The following RHBDL3 variants were observed in gnomAD, a reference collection of about 807,000 sequenced individuals.
RHBDL3 encodes the protein rhomboid like 3, also known as rhomboid-related protein 3.
A neutral mutation model predicts 48.2 loss-of-function variants in RHBDL3; 28 were observed. That is an observed-to-expected ratio of 0.58 (90% CI 0.43 to 0.80). The LOEUF is 0.80. RHBDL3 is among the 30% of genes least tolerant of loss of function. RHBDL3 has a pLI of 0.00. For missense variants in RHBDL3, 464 were observed against 542.7 expected, an observed-to-expected ratio of 0.85 and a Z score of 1.44; for synonymous variants, 208 against 232.3, an observed-to-expected ratio of 0.90 and a Z score of 0.95.
At chr17:32,272,447 T>A (rs1226885713) in intron 2 of RHBDL3, among the ~76,000 whole-genome samples, 1 of 152,170 alleles carries the variant, frequency 6.6e-6, no homozygotes, top group Non-Finnish European at 1.5e-5. Context: ...CAGAGAAAAC[T>A]CCTGCCCCAG....
At chr17:32,290,174 G>A (rs113980854) in intron 4 of RHBDL3, among the ~76,000 whole-genome samples, 2,495 of 152,312 alleles carry the variant, frequency 0.016, 64 homozygotes, top group African/African-American at 0.057. Flanking sequence ...GCTACCAGGG[G>A]CCTAAGCCAT....
At chr17:32,287,470 G>A (rs923523373) in intron 3 of RHBDL3, among the ~76,000 whole-genome samples, 1 of 152,190 alleles carries the variant, frequency 6.6e-6, no homozygotes, top group Non-Finnish European at 1.5e-5. Context: ...GTTGGAAAAG[G>A]TTCATCTGGG....
chr17:32,298,003 G>A, intron 5 of RHBDL3, 89 bp from the exon 6 acceptor site: 1 of 935,796 alleles, frequency 1.1e-6, no homozygotes, highest in Non-Finnish European at 1.7e-6. Context: ...TGGATCCCTG[G>A]CATCTTGGGG....
chr17:32,315,159 GT>G (rs1302969212), intron 7 of RHBDL3, among the ~76,000 whole-genome samples: 1 of 152,238 alleles, frequency 6.6e-6, no homozygotes, highest in African/African-American at 2.4e-5. Context: ...TTACACGGAT[GT>G]TCCTGCAACC....
intron 4 of RHBDL3, 54 bp from the exon 5 acceptor site, chr17:32,294,240 G>T: frequency 6.5e-7 from 1 of 1,542,496 alleles, no homozygotes; most frequent in East Asian, 2.3e-5. Context: ...CAGCACAACA[G>T]GAAGTTTCCT....
Position 32,270,524 on chromosome 17 carries a change from A to G in RHBDL3, c.135+2599A>G, listed in dbSNP as rs1161949559. Among the ~76,000 whole-genome samples, 15 of 152,224 alleles carry G rather than the reference A, an allele frequency of 9.9e-5. No homozygotes were observed. In the East Asian group the frequency reaches 2.9e-3, roughly 29 times the overall value. ...GGTCCTATATGGTCACCGTCGAACT[A>G]AATGGCCAGGATACCTTTTGTGGGG... On this transcript the variant is annotated intron_variant, in intron 2 of 8. Transcript: ENST00000269051.
intron 4 of RHBDL3, 37 bp from the exon 5 acceptor site, chr17:32,294,257 T>G: frequency 1.9e-6 from 3 of 1,598,826 alleles, no homozygotes; most frequent in Non-Finnish European, 2.6e-6. Flanking sequence ...TCCTGGGCAG[T>G]GTGCACCTAG....
At chr17:32,319,315 G>C (rs2041052289) in intron 8 of RHBDL3, among the ~76,000 whole-genome samples, 2 of 151,556 alleles carry the variant, frequency 1.3e-5, no homozygotes, top group African/African-American at 4.9e-5. Flanking sequence ...CCAGCTACTG[G>C]GGAGGCTGAG....
intron 2 of RHBDL3, among the ~76,000 whole-genome samples, chr17:32,278,004 C>G (rs2039954378): frequency 6.6e-6 from 1 of 152,120 alleles, no homozygotes; most frequent in Admixed American, 6.5e-5. Context: ...CATTGGGAAA[C>G]CCTTAAAAAT....
intron 8 of RHBDL3, among the ~76,000 whole-genome samples, chr17:32,316,865 ATTTATTTTAT>A (rs1182877285): frequency 2.8e-5 from 4 of 144,508 alleles, no homozygotes; most frequent in African/African-American, 8.2e-5. Flanking sequence ...ATTTTATTTT[ATTTATTTTAT>A]TTTATTTTAT....
At chr17:32,283,925 T>G (rs2040131028) in intron 2 of RHBDL3, among the ~76,000 whole-genome samples, 1 of 152,116 alleles carries the variant, frequency 6.6e-6, no homozygotes, top group Non-Finnish European at 1.5e-5. Flanking sequence ...AGGGCATATC[T>G]GAGTAGTCAG....
intron 8 of RHBDL3, among the ~76,000 whole-genome samples, chr17:32,318,245 T>C (rs1277672000): frequency 6.6e-6 from 1 of 150,760 alleles, no homozygotes; most frequent in East Asian, 2.0e-4. Context: ...CCTATAGTCC[T>C]AGCCCAGGAG....
chr17:32,305,732 C>T (rs929846089), intron 7 of RHBDL3, among the ~76,000 whole-genome samples: 5 of 152,258 alleles, frequency 3.3e-5, no homozygotes, highest in East Asian at 3.9e-4. Flanking sequence ...TCCTGGCTAA[C>T]GCGGTGAAAC....
chr17:32,300,227 G>A (rs542004932), intron 6 of RHBDL3, among the ~76,000 whole-genome samples: 1 of 152,168 alleles, frequency 6.6e-6, no homozygotes, highest in Non-Finnish European at 1.5e-5. Context: ...GGTGGTCCTT[G>A]TCCTTTTTGC....
chr17:32,274,689 C>T (rs1360937174), intron 2 of RHBDL3, among the ~76,000 whole-genome samples: 1 of 152,092 alleles, frequency 6.6e-6, no homozygotes, highest in East Asian at 1.9e-4. Flanking sequence ...GTCAACATAA[C>T]AAAACCCCTT....
At chr17:32,304,297 G>C (rs756719514) in intron 6 of RHBDL3, among the ~76,000 whole-genome samples, 2 of 152,208 alleles carry the variant, frequency 1.3e-5, no homozygotes, top group Non-Finnish European at 2.9e-5. Context: ...AGCTGGGCTG[G>C]AGGAAGGGTG....
intron 7 of RHBDL3, among the ~76,000 whole-genome samples, chr17:32,315,972 T>C (rs754140269): frequency 6.6e-5 from 10 of 152,040 alleles, no homozygotes; most frequent in Non-Finnish European, 1.3e-4. Flanking sequence ...TCTGTCCACG[T>C]TGAGGAGACA....
intron 7 of RHBDL3, among the ~76,000 whole-genome samples, chr17:32,310,742 G>A (rs12950887): frequency 0.017 from 2,584 of 151,374 alleles, 37 homozygotes; most frequent in Non-Finnish European, 0.027. Context: ...AAATTAGCCA[G>A]GCGTGGTGGC....
Position 32,324,323 on chromosome 17 carries a change from G to T in RHBDL3, c.*3094G>T, listed in dbSNP as rs1455932309. Reference sequence around the variant, plus strand: ...TCCATGAGAACCATTCTTGCCCAGAGGATTAGGGGAGCTGTTGCTCACCAC... The same window carrying T: ...TCCATGAGAACCATTCTTGCCCAGATGATTAGGGGAGCTGTTGCTCACCAC... On this transcript the variant is annotated 3_prime_UTR_variant, in exon 9 of 9. Coordinates refer to ENST00000269051, the MANE Select transcript of RHBDL3 (RefSeq NM_138328.3). 1 of 152,616 alleles carries T rather than the reference G, an allele frequency of 6.6e-6. No homozygotes were observed. Among genetic ancestry groups the T allele is most frequent in the Admixed American group, 6.5e-5 (1 of 15,278 alleles). 9.5% of individuals were successfully genotyped at this position (152,616 alleles called of 1,614,324 possible). A position where few individuals can be genotyped will look rare whatever the true frequency, so the allele number is the denominator to read the frequency against.
Sources: allele counts gnomAD v4.1 joint callset (sites outside exome capture counted in the v4.1 genomes callset), GRCh38; gene constraint gnomAD v4.1.1; transcripts MANE v1.5; gene names NCBI Gene and HGNC (gene_info 2026-07-23, HGNC 2026-07-21).